The following DSTN variants were observed in gnomAD, a reference collection of about 807,000 sequenced individuals.
The protein encoded by DSTN is destrin, actin depolymerizing factor, also known as destrin.
Under a neutral mutation model 16.8 loss-of-function variants are expected in DSTN, and 10 were observed. The ratio of observed to expected loss-of-function variants is 0.60; its 90% confidence interval spans 0.37 to 1.01. The LOEUF is 1.01. Among genes scored for constraint, DSTN ranks in the 50% least tolerant of loss-of-function variants. DSTN has a pLI of 0.01. For synonymous variants in DSTN, 57 were observed against 58.9 expected, an observed-to-expected ratio of 0.97 and a Z score of 0.14; for missense variants, 141 against 196.7, an observed-to-expected ratio of 0.72 and a Z score of 1.69.
At chr20:17,589,557 C>A (rs577223062) in intron 1 of DSTN, among the ~76,000 whole-genome samples, 1 of 152,174 alleles carries the variant, frequency 6.6e-6, no homozygotes. Context: ...TTCTGTGAAG[C>A]AGAAATGTGC....
At chr20:17,582,811 C>T (rs1306931363) in intron 1 of DSTN, among the ~76,000 whole-genome samples, 5 of 152,046 alleles carry the variant, frequency 3.3e-5, no homozygotes, top group Non-Finnish European at 5.9e-5. Flanking sequence ...GGTAGTTTTC[C>T]TGGCCTTTCT....
At position 17,572,664 on chromosome 20, in the gene DSTN, A is replaced by G. The variant is rs1600696351; in HGVS notation, c.3+2453A>G. ...ATACTTGGTGATTAGCAAAAACACT[A>G]CAACCCAGTGAAATAGGTTGGGCAT... On this transcript the variant is annotated intron_variant, in intron 1 of 3. Coordinates refer to ENST00000246069, the MANE Select transcript of DSTN (RefSeq NM_006870.4). Among the ~76,000 whole-genome samples, 5 of 152,360 alleles carry G rather than the reference A, an allele frequency of 3.3e-5. No individual in the cohort carries two copies. In the Middle Eastern group the frequency reaches 0.017, roughly 518 times the overall value.
At chr20:17,601,351 T>C (rs889143654) in intron 2 of DSTN, among the ~76,000 whole-genome samples, 1 of 152,040 alleles carries the variant, frequency 6.6e-6, no homozygotes, top group Non-Finnish European at 1.5e-5. Context: ...CTTTTAACTT[T>C]CTTACTTATA....
rs372759654 is a variant in DSTN at position 17,576,917 on chromosome 20, C to G, written c.3+6706C>G. ...ACTTTTCTGTTGCTATTTTCATGTA[C>G]AGGTGGAGCATCCCTAATCTAAAAA... On this transcript the variant is annotated intron_variant, in intron 1 of 3. Coordinates refer to ENST00000246069, the MANE Select transcript of DSTN (RefSeq NM_006870.4). Among the ~76,000 whole-genome samples the G allele has an allele frequency of 3.9e-5, 6 of 152,276 alleles. No homozygotes were observed. In the East Asian group the frequency reaches 5.8e-4, roughly 15 times the overall value.
At chr20:17,592,014 G>T in intron 1 of DSTN, 2 of 985,466 alleles carry the variant, frequency 2.0e-6, no homozygotes, top group Non-Finnish European at 2.4e-6. Context: ...TACGAGAATG[G>T]AGTTTAGAAG....
Position 17,607,753 on chromosome 20 carries a change from T to A in DSTN, c.*607T>A, listed in dbSNP as rs2035657831. On this transcript the variant is annotated 3_prime_UTR_variant, in exon 4 of 4. Transcript: ENST00000246069. Reference sequence around the variant, plus strand: ...GGAATACAGGAAGTAGCCCTGCACCTGCCAGTGAGCTCGCCATTCACTGAT... The same window carrying A: ...GGAATACAGGAAGTAGCCCTGCACCAGCCAGTGAGCTCGCCATTCACTGAT... 1 of 152,274 alleles carries A rather than the reference T, an allele frequency of 6.6e-6. No homozygotes were observed. The highest frequency in any genetic ancestry group is 2.4e-5 in the African/African-American group (1 of 41,466). The allele number at this position is 152,274 out of a possible 1,614,324, so 9.4% of individuals were successfully genotyped here. A position where few individuals can be genotyped will look rare whatever the true frequency, so the allele number is the denominator to read the frequency against.
chr20:17,605,976 C>T (rs933644456), intron 3 of DSTN, among the ~76,000 whole-genome samples: 3 of 152,110 alleles, frequency 2.0e-5, no homozygotes, highest in Non-Finnish European at 4.4e-5. Flanking sequence ...GGCGTGGTGG[C>T]ACATGCCTGT....
chr20:17,578,668 G>A (rs1190137243), intron 1 of DSTN, among the ~76,000 whole-genome samples: 1 of 152,170 alleles, frequency 6.6e-6, no homozygotes, highest in South Asian at 2.1e-4. Context: ...ACAAATGAAA[G>A]AGCAAGAAGT....
chr20:17,604,876 G>A (rs1483055599), intron 3 of DSTN, among the ~76,000 whole-genome samples: 1 of 152,134 alleles, frequency 6.6e-6, no homozygotes, highest in African/African-American at 2.4e-5. Flanking sequence ...TATATATATC[G>A]TTTATTCAGG....
At position 17,570,188 on chromosome 20, in the gene DSTN, C is replaced by T; in HGVS notation, c.-21C>T. 2.0e-6 allele frequency: 3 copies of T among 1,519,234 alleles called. No individual in the cohort carries two copies. The highest frequency in any genetic ancestry group is 2.7e-5 in the East Asian group (1 of 37,682). 94.1% of individuals were successfully genotyped at this position (1,519,234 alleles called of 1,614,324 possible). A position where few individuals can be genotyped will look rare whatever the true frequency, so the allele number is the denominator to read the frequency against. ...GCCCGCCGGCTCCCTCCCCCGCGTC[C>T]CTGCGACCGCCGCGGCGAAGATGGT... is the stretch of plus-strand genomic sequence containing the variant. On this transcript the variant is annotated 5_prime_UTR_variant, in exon 1 of 4. Coordinates refer to ENST00000246069, the MANE Select transcript of DSTN (RefSeq NM_006870.4).
chr20:17,590,212 T>G (rs1248148011), intron 1 of DSTN, among the ~76,000 whole-genome samples: 3 of 152,230 alleles, frequency 2.0e-5, no homozygotes, highest in Admixed American at 1.3e-4. Context: ...TGTTCTGTCC[T>G]TTGCAACTGT....
intron 2 of DSTN, among the ~76,000 whole-genome samples, chr20:17,604,280 A>G (rs2035617877): frequency 6.6e-6 from 1 of 152,150 alleles, no homozygotes; most frequent in Non-Finnish European, 1.5e-5. Flanking sequence ...CATTATGGCG[A>G]CTGTAATCTG....
intron 1 of DSTN, among the ~76,000 whole-genome samples, chr20:17,598,906 T>C (rs2035555904): frequency 6.6e-6 from 1 of 152,152 alleles, no homozygotes; most frequent in South Asian, 2.1e-4. Flanking sequence ...AAAGATACCA[T>C]TCTTGACTCA....
chr20:17,603,433 T>G (rs1332403503), intron 2 of DSTN, among the ~76,000 whole-genome samples: 1 of 152,242 alleles, frequency 6.6e-6, no homozygotes, highest in Non-Finnish European at 1.5e-5. Context: ...CTGGTTTTGG[T>G]ATATGTCATT....
intron 1 of DSTN, among the ~76,000 whole-genome samples, chr20:17,570,884 C>T (rs894288023): frequency 2.0e-5 from 3 of 152,158 alleles, no homozygotes; most frequent in African/African-American, 7.2e-5. Context: ...TCTGTTTTAA[C>T]CCTTCCCTGC....
chr20:17,580,308 A>G (rs1192105662), intron 1 of DSTN, among the ~76,000 whole-genome samples: 1 of 152,212 alleles, frequency 6.6e-6, no homozygotes, highest in Non-Finnish European at 1.5e-5. Flanking sequence ...TATTTGAGAG[A>G]TTTTTGTATG....
intron 2 of DSTN, 23 bp from the exon 3 acceptor site, chr20:17,604,532 A>G: frequency 6.3e-7 from 1 of 1,596,630 alleles, no homozygotes; most frequent in South Asian, 1.1e-5. Context: ...CACTTTTTTC[A>G]TTTTTGGCAT....
chr20:17,591,650 T>G (rs535465630), intron 1 of DSTN, among the ~76,000 whole-genome samples: 20 of 152,354 alleles, frequency 1.3e-4, no homozygotes, highest in Admixed American at 8.5e-4. Flanking sequence ...ACCCCAGATA[T>G]TCTGAATCAG....
chr20:17,593,601 A>T (rs928759051), intron 1 of DSTN, among the ~76,000 whole-genome samples: 1 of 152,226 alleles, frequency 6.6e-6, no homozygotes, highest in Non-Finnish European at 1.5e-5. Context: ...TTGATCTGAC[A>T]TCTAAAGAGT....
Sources: allele counts gnomAD v4.1 joint callset (sites outside exome capture counted in the v4.1 genomes callset), GRCh38; gene constraint gnomAD v4.1.1; transcripts MANE v1.5; gene names NCBI Gene and HGNC (gene_info 2026-07-23, HGNC 2026-07-21).